The following DCP1B variants were observed in gnomAD, a reference collection of about 807,000 sequenced individuals.
DCP1B encodes the protein decapping mRNA 1B, also known as mRNA-decapping enzyme 1B.
Under a neutral mutation model 60.5 loss-of-function variants are expected in DCP1B, and 47 were observed. That is an observed-to-expected ratio of 0.78 (90% CI 0.61 to 0.99). The LOEUF is 0.99. Among genes scored for constraint, DCP1B ranks in the 50% least tolerant of loss-of-function variants. The pLI is 0.00. For synonymous variants in DCP1B, 267 were observed against 280.3 expected, an observed-to-expected ratio of 0.95 and a Z score of 0.47; for missense variants, 725 against 756.8, an observed-to-expected ratio of 0.96 and a Z score of 0.49.
At chr12:2,003,512 C>T (rs1050806698) in intron 1 of DCP1B, among the ~76,000 whole-genome samples, 5 of 152,174 alleles carry the variant, frequency 3.3e-5, no homozygotes, top group African/African-American at 1.2e-4. Flanking sequence ...TACAAAATTA[C>T]AAGCAGCAAT....
In DCP1B at chr12:1,952,533, G is replaced by A. The variant is rs1037785652; in HGVS notation, c.1407C>T (p.Asn469=). The change falls in exon 7 of 9, where the codon AAC becomes AAT. Residue 469 remains asparagine (N), a synonymous_variant. Coordinates refer to ENST00000280665, the MANE Select transcript of DCP1B (RefSeq NM_152640.5). ...GAAACTTAGCGGCCAAGGCTGGCCG[G>A]TTAGAGGCATGCAGCTGCTGCTCCT... is the stretch of plus-strand genomic sequence containing the variant. ...VQQEQQLHAS[N]RPALAAKFPV... 6.2e-7 allele frequency: 1 copy of A among 1,614,176 alleles called. No individual in the cohort carries two copies. Among genetic ancestry groups the A allele is most frequent in the South Asian group, 1.1e-5 (1 of 91,088 alleles).
At chr12:1,994,611 A>G (rs2040355156) in intron 2 of DCP1B, among the ~76,000 whole-genome samples, 1 of 152,230 alleles carries the variant, frequency 6.6e-6, no homozygotes, top group African/African-American at 2.4e-5. Context: ...GGAACTGTCA[A>G]GTTCAGAAAT....
chr12:1,990,996 A>AC, intron 3 of DCP1B: 2 of 392,944 alleles, frequency 5.1e-6, no homozygotes, highest in South Asian at 3.8e-5. Flanking sequence ...AAAAAAAAAA[A>AC]AAGGCAAAAT....
chr12:2,004,106 C>T, intron 1 of DCP1B, 176 bp downstream of exon 1: 1 of 870,176 alleles, frequency 1.1e-6, no homozygotes, highest in Non-Finnish European at 1.7e-6. Context: ...GATCCGCCTT[C>T]CTTCCCCCAA....
At chr12:1,997,635 C>T (rs2041251213) in intron 2 of DCP1B, among the ~76,000 whole-genome samples, 1 of 152,190 alleles carries the variant, frequency 6.6e-6, no homozygotes, top group Non-Finnish European at 1.5e-5. Context: ...TATTCAAGAA[C>T]TTTGTGCCAT....
At chr12:1,954,246 G>A (rs1439673490) in intron 6 of DCP1B, among the ~76,000 whole-genome samples, 1 of 151,220 alleles carries the variant, frequency 6.6e-6, no homozygotes, top group East Asian at 1.9e-4. Flanking sequence ...AACATATTCA[G>A]GTCTCGCTAT....
chr12:1,999,111 A>C (rs1019358431), intron 1 of DCP1B, among the ~76,000 whole-genome samples: 2 of 152,220 alleles, frequency 1.3e-5, no homozygotes. Context: ...CTTATTAGAA[A>C]TGCAAGCTCT....
chr12:1,987,137 CGATTTGTTAATACAAAT>C, intron 3 of DCP1B, among the ~76,000 whole-genome samples: 1 of 152,280 alleles, frequency 6.6e-6, no homozygotes, highest in South Asian at 2.1e-4. Context: ...GCTTTACAAA[CGATTTGTTAATACAAAT>C]GGGCATTAGA....
chr12:1,949,821 T>TG (rs1279098285), intron 7 of DCP1B, among the ~76,000 whole-genome samples: 1 of 152,160 alleles, frequency 6.6e-6, no homozygotes, highest in Non-Finnish European at 1.5e-5. Flanking sequence ...GAGTGATGTG[T>TG]GGGTCCACCC....
chr12:1,942,705 G>A (rs889751627), downstream of DCP1B, among the ~76,000 whole-genome samples: 3 of 152,106 alleles, frequency 2.0e-5, no homozygotes, highest in Non-Finnish European at 1.5e-5. Context: ...GGTAAATAAC[G>A]AAATTAAGGC....
rs187965556 is a variant in DCP1B at position 2,004,011 on chromosome 12, T to C, written c.150+271A>G. Among the ~76,000 whole-genome samples, 97 of 152,290 alleles carry C rather than the reference T, an allele frequency of 6.4e-4. No individual in the cohort carries two copies. In the East Asian group the frequency reaches 0.015, roughly 24 times the overall value. ...GGTCCTTCCTTTCCTTCGGCTCTTA[T>C]GGTGCCGTACCCGATCGGTCTGGTC... On this transcript the variant is annotated intron_variant, in intron 1 of 8. Coordinates refer to ENST00000280665, the MANE Select transcript of DCP1B (RefSeq NM_152640.5).
chr12:1,999,839 T>G (rs2041778983), intron 1 of DCP1B, among the ~76,000 whole-genome samples: 1 of 152,236 alleles, frequency 6.6e-6, no homozygotes, highest in African/African-American at 2.4e-5. Context: ...CTATGAAGTT[T>G]GTATAAATCA....
chr12:1,953,277 A>G lies in DCP1B; in HGVS notation c.663T>C (p.Pro221=). The part of the protein sequence containing the change: ...RIPQPNQTLD[P]EPQHLSLTAL... Reference sequence around the variant, plus strand: ...CTGTCAAGGATAAGTGTTGGGGTTCAGGGTCTAAGGTCTGGAAAAAATAAA... The same window carrying G: ...CTGTCAAGGATAAGTGTTGGGGTTCGGGGTCTAAGGTCTGGAAAAAATAAA... The change falls in exon 7 of 9, where the codon CCT becomes CCC. Residue 221 remains proline, a synonymous_variant. Coordinates refer to ENST00000280665, the MANE Select transcript of DCP1B (RefSeq NM_152640.5). 6.3e-7 allele frequency: 1 copy of G among 1,575,448 alleles called. No individual in the cohort carries two copies. Among genetic ancestry groups the G allele is most frequent in the African/African-American group, 1.4e-5 (1 of 73,714 alleles).
chr12:1,976,926 T>C (rs990100062), intron 3 of DCP1B, among the ~76,000 whole-genome samples: 8 of 152,004 alleles, frequency 5.3e-5, no homozygotes, highest in African/African-American at 1.7e-4. Flanking sequence ...AGAAGAAAAG[T>C]CTTCAGATTC....
At chr12:1,974,988 A>G (rs2033855883) in intron 3 of DCP1B, among the ~76,000 whole-genome samples, 1 of 152,174 alleles carries the variant, frequency 6.6e-6, no homozygotes, top group Admixed American at 6.5e-5. Flanking sequence ...TTGAGTGTTT[A>G]ACAATGATAG....
At chr12:1,957,959 A>C (rs1408972377) in intron 5 of DCP1B, among the ~76,000 whole-genome samples, 3 of 152,024 alleles carry the variant, frequency 2.0e-5, no homozygotes, top group African/African-American at 4.8e-5. Flanking sequence ...GTAAGGCCTG[A>C]GACTATAAAC....
intron 5 of DCP1B, among the ~76,000 whole-genome samples, chr12:1,961,851 C>G (rs578182921): frequency 6.6e-6 from 1 of 152,226 alleles, no homozygotes; most frequent in African/African-American, 2.4e-5. Flanking sequence ...ATTAAATCTC[C>G]AGAACCGTAT....
intron 5 of DCP1B, among the ~76,000 whole-genome samples, chr12:1,959,491 C>T (rs762773406): frequency 3.3e-5 from 5 of 152,136 alleles, no homozygotes; most frequent in African/African-American, 4.8e-5. Flanking sequence ...GAAAAATGCT[C>T]GACATCGCTA....
chr12:1,987,879 C>T (rs2038254057), intron 3 of DCP1B, among the ~76,000 whole-genome samples: 1 of 152,120 alleles, frequency 6.6e-6, no homozygotes, highest in Admixed American at 6.5e-5. Flanking sequence ...TTTCTTCTGT[C>T]TCCCTCCCCC....
Sources: allele counts gnomAD v4.1 joint callset (sites outside exome capture counted in the v4.1 genomes callset), GRCh38; gene constraint gnomAD v4.1.1; transcripts MANE v1.5; gene names NCBI Gene and HGNC (gene_info 2026-07-23, HGNC 2026-07-21).